The following ABCA5 variants were observed in gnomAD, a reference collection of about 807,000 sequenced individuals.
ABCA5 encodes the protein ATP binding cassette subfamily A member 5.
ABCA5 carries 163 observed loss-of-function variants against 206.0 expected under a neutral mutation model. That is an observed-to-expected ratio of 0.79 (90% CI 0.70 to 0.90). The LOEUF (loss-of-function observed/expected upper bound fraction) is 0.90, where lower values mean the gene tolerates loss of function less well. Ranked by LOEUF, ABCA5 falls within the 40% of genes least tolerant of loss-of-function variation. The probability of loss-of-function intolerance (pLI) is 0.00; values close to 1 mark genes in which losing one functional copy is unlikely to be tolerated. For missense variants in ABCA5, 1,859 were observed against 1,912.9 expected, an observed-to-expected ratio of 0.97 and a Z score of 0.53; for synonymous variants, 609 against 613.8, an observed-to-expected ratio of 0.99 and a Z score of 0.11.
In ABCA5 at chr17:69,287,660, AC is replaced by A; in HGVS notation, c.1993del (p.Val665Ter). On this transcript the variant is annotated frameshift_variant, in exon 15 of 39. Coordinates refer to ENST00000392676, the MANE Select transcript of ABCA5 (RefSeq NM_172232.4). LOFTEE classifies it high-confidence loss of function. ...NLLKYRKANR[V>X]TVFSTHFMDE... ...CATGAAATGAGTACTGAACACTGTC[AC>A]CCGATTGGCTTTTCTGTATTTTAAA... 1 of 1,613,806 alleles carries A rather than the reference AC, an allele frequency of 6.2e-7. No individual in the cohort carries two copies. The highest frequency in any genetic ancestry group is 8.5e-7 in the Non-Finnish European group (1 of 1,179,846).
chr17:69,309,087 GTAGA>G (rs2075745814), intron 4 of ABCA5, among the ~76,000 whole-genome samples, 171 bp downstream of exon 4: 1 of 152,064 alleles, frequency 6.6e-6, no homozygotes, highest in Non-Finnish European at 1.5e-5. Flanking sequence ...ATGTGTAGAA[GTAGA>G]TAGGTATTTA....
chr17:69,264,776 G>A lies in ABCA5; in HGVS notation c.3274C>T (p.His1092Tyr), dbSNP rs139096664. 5 of 1,588,132 alleles carry A rather than the reference G, an allele frequency of 3.1e-6. No homozygotes were observed. The South Asian group carries it at 5.9e-5, about 19-fold the overall frequency. Residue 1092 changes from histidine to tyrosine, a missense_variant, in exon 24 of 39, where the codon CAT (histidine) becomes TAT (tyrosine). By Grantham distance (83) the His-to-Tyr change is moderately conservative. Coordinates refer to ENST00000392676, the MANE Select transcript of ABCA5 (RefSeq NM_172232.4). ...ACAGTATAAAAATATAATCCATAAT[G>A]AAATGCCAATAAGCTTCCTAGCATC... The part of the protein sequence containing the change: ...ILMLGSLLAF[H>Y]YGLYFYTVKF...
At chr17:69,282,365 G>A (rs2075403137) in intron 18 of ABCA5, among the ~76,000 whole-genome samples, 1 of 152,096 alleles carries the variant, frequency 6.6e-6, no homozygotes, top group Admixed American at 6.6e-5. Flanking sequence ...ACCCAACTAA[G>A]AGATTTCATC....
intron 25 of ABCA5, 88 bp downstream of exon 25, chr17:69,261,547 G>GTGTA (rs1258664990): frequency 7.5e-6 from 5 of 664,928 alleles, no homozygotes; most frequent in Non-Finnish European, 9.9e-6. Flanking sequence ...ACTTACAAAA[G>GTGTA]ACATGTAACA....
intron 20 of ABCA5, among the ~76,000 whole-genome samples, chr17:69,272,736 T>A (rs927077321): frequency 1.3e-5 from 2 of 152,192 alleles, no homozygotes; most frequent in African/African-American, 2.4e-5. Flanking sequence ...CAGGTAATTT[T>A]CCATGTTCTC....
intron 24 of ABCA5, among the ~76,000 whole-genome samples, chr17:69,264,088 AGTTT>A (rs2075181323): frequency 6.6e-6 from 1 of 152,140 alleles, no homozygotes; most frequent in Non-Finnish European, 1.5e-5. Context: ...TAATGTTGGT[AGTTT>A]GATAGGAATA....
chr17:69,279,123 A>T (rs1184028233), intron 18 of ABCA5, among the ~76,000 whole-genome samples: 3 of 152,110 alleles, frequency 2.0e-5, no homozygotes, highest in Non-Finnish European at 4.4e-5. Flanking sequence ...ACATGATTGT[A>T]TATCTAGAAA....
chr17:69,271,333 G>C, intron 20 of ABCA5, 44 bp from the exon 21 acceptor site: 1 of 1,557,174 alleles, frequency 6.4e-7, no homozygotes, highest in Non-Finnish European at 8.7e-7. Context: ...GAGTCTAAAC[G>C]AGGCTTTTAG....
At chr17:69,303,829 T>TAC (rs369775125) in intron 7 of ABCA5, among the ~76,000 whole-genome samples, 2 of 14,596 alleles carry the variant, frequency 1.4e-4, no homozygotes, top group African/African-American at 3.0e-4. Flanking sequence ...TATATATGTA[T>TAC]ATATATATAT....
intron 19 of ABCA5, among the ~76,000 whole-genome samples, chr17:69,274,425 G>A (rs564923024): frequency 2.0e-5 from 3 of 152,052 alleles, no homozygotes; most frequent in Non-Finnish European, 2.9e-5. Flanking sequence ...TCGCCATGTT[G>A]CCAAGGCTGG....
At chr17:69,290,663 C>T (rs900289807) in intron 12 of ABCA5, among the ~76,000 whole-genome samples, 4 of 152,166 alleles carry the variant, frequency 2.6e-5, no homozygotes, top group East Asian at 1.9e-4. Context: ...AGATTCAATA[C>T]AATTCAGCCC....
rs377350256 is a variant in ABCA5, at chr17:69,247,566, G to T, written c.4900C>A (p.Arg1634=). The change falls in exon 39 of 39, where the codon CGA becomes AGA. Residue 1634 remains arginine (R), a synonymous_variant. Coordinates refer to ENST00000392676, the MANE Select transcript of ABCA5 (RefSeq NM_172232.4). ...AATACTACTCTATCTTCTTGTGTTC[G>T]TTCCCACCAAAGTGTGCTGTTTAAA... ...GTLNSTLWWE[R]TQEDRVVF is the part of the protein sequence containing the mutation. The T allele has an allele frequency of 1.2e-6, 2 of 1,608,068 alleles. No homozygotes were observed. Among genetic ancestry groups the T allele is most frequent in the African/African-American group, 1.3e-5 (1 of 74,624 alleles).
chr17:69,250,763 CTCTT>C, intron 35 of ABCA5, 142 bp from the exon 36 acceptor site: 1 of 488,066 alleles, frequency 2.0e-6, no homozygotes, highest in South Asian at 4.3e-5. Flanking sequence ...TCCCCATACA[CTCTT>C]TATCCGGTTT....
intron 10 of ABCA5, among the ~76,000 whole-genome samples, chr17:69,295,015 C>A (rs1435874628): frequency 6.6e-6 from 1 of 152,062 alleles, no homozygotes; most frequent in African/African-American, 2.4e-5. Context: ...TTGCAGATAA[C>A]ATAAACCGTT....
chr17:69,303,413 G>A (rs2075672477), intron 7 of ABCA5, among the ~76,000 whole-genome samples: 1 of 151,684 alleles, frequency 6.6e-6, no homozygotes, highest in Non-Finnish European at 1.5e-5. Context: ...CACCACATCT[G>A]GTCTTAAACT....
rs1297089783 is a variant in ABCA5 at position 69,309,493 on chromosome 17, A to T, written c.308-70T>A. 26 of 1,101,756 alleles carry T rather than the reference A, an allele frequency of 2.4e-5. No individual in the cohort carries two copies. The East Asian group carries it at 6.7e-4, about 28-fold the overall frequency. 68.2% of individuals were successfully genotyped at this position (1,101,756 alleles called of 1,614,324 possible). A position where few individuals can be genotyped will look rare whatever the true frequency, so the allele number is the denominator to read the frequency against. The stretch of plus-strand genomic sequence containing the variant: ...CCACAATACAGTAGATCAAGTTTAC[A>T]ATTATTTTGATGAATGGAATATTTT... On this transcript the variant is annotated intron_variant, in intron 3 of 38. Transcript: ENST00000392676.
intron 18 of ABCA5, 94 bp downstream of exon 18, chr17:69,283,859 T>TG (rs1555580061): frequency 2.4e-6 from 3 of 1,259,728 alleles, no homozygotes; most frequent in Non-Finnish European, 3.2e-6. Context: ...CCCTTTATTC[T>TG]AAAAAAAATA....
intron 32 of ABCA5, 103 bp downstream of exon 32, chr17:69,254,212 T>C (rs1568089532): frequency 3.1e-6 from 3 of 965,782 alleles, no homozygotes; most frequent in Admixed American, 2.7e-5. Flanking sequence ...ACATTTTCTA[T>C]AAAAATCATT....
chr17:69,258,145 C>G (rs1046851301), intron 28 of ABCA5, among the ~76,000 whole-genome samples: 1 of 151,862 alleles, frequency 6.6e-6, no homozygotes, highest in Non-Finnish European at 1.5e-5. Context: ...AACTACCATT[C>G]AACCCAGCAA....
Sources: allele counts gnomAD v4.1 joint callset (sites outside exome capture counted in the v4.1 genomes callset), GRCh38; gene constraint gnomAD v4.1.1; transcripts MANE v1.5; gene names NCBI Gene and HGNC (gene_info 2026-07-23, HGNC 2026-07-21).